ACAP2: variants seen among roughly 807,000 people sequenced by gnomAD.
ACAP2 encodes the protein arf-GAP with coiled-coil, ANK repeat and PH domain-containing protein 2.
Under a neutral mutation model 115.8 loss-of-function variants are expected in ACAP2, and 39 were observed. The observed-to-expected ratio is 0.34, with a 90% confidence interval of 0.26 to 0.44. ACAP2 has a LOEUF of 0.44. ACAP2 is among the 20% of genes least tolerant of loss of function. ACAP2 has a pLI of 1.00. For missense variants in ACAP2, 662 were observed against 927.6 expected (o/e 0.71, Z 3.72); for synonymous variants, 289 against 315.8 (o/e 0.92, Z 0.90).
chr3:195,367,700 G>A (rs1023344544), intron 4 of ACAP2, among the ~76,000 whole-genome samples: 1 of 152,186 alleles, frequency 6.6e-6, no homozygotes. Flanking sequence ...TTTCACATTC[G>A]TGAAGGCCAA....
chr3:195,279,618 A>G, intron 22 of ACAP2, 190 bp from the exon 23 acceptor site: 1 of 403,782 alleles, frequency 2.5e-6, no homozygotes, highest in Non-Finnish European at 4.3e-6. Context: ...AAAAAAAACT[A>G]TACCTGAAAA....
intron 1 of ACAP2, among the ~76,000 whole-genome samples, chr3:195,433,215 A>C (rs1471546845): frequency 6.6e-6 from 1 of 152,132 alleles, no homozygotes; most frequent in African/African-American, 2.4e-5. Flanking sequence ...TCATCTCTAG[A>C]TTATTTCTAA....
In ACAP2 at chr3:195,278,567, A is replaced by G. The variant is rs999611077; in HGVS notation, c.*761T>C. 6.6e-6 allele frequency: 1 copy of G among 152,090 alleles called. No homozygotes were observed. Among genetic ancestry groups the G allele is most frequent in the Admixed American group, 6.5e-5 (1 of 15,272 alleles). 9.4% of individuals were successfully genotyped at this position (152,090 alleles called of 1,614,324 possible). A position where few individuals can be genotyped will look rare whatever the true frequency, so the allele number is the denominator to read the frequency against. On this transcript the variant is annotated 3_prime_UTR_variant, in exon 23 of 23. Transcript: ENST00000326793. ...CGATACATCTGTCAAGGTTTTGGGG[A>G]ATCAACCCAACAATGAAGAACTACA...
At chr3:195,380,783 G>C (rs1387893331) in intron 4 of ACAP2, among the ~76,000 whole-genome samples, 2 of 151,954 alleles carry the variant, frequency 1.3e-5, no homozygotes, top group Non-Finnish European at 2.9e-5. Context: ...CACTATATTA[G>C]AATGGAAAAT....
intron 4 of ACAP2, among the ~76,000 whole-genome samples, chr3:195,352,788 G>A (rs1203146524): frequency 6.6e-6 from 1 of 152,136 alleles, no homozygotes; most frequent in Non-Finnish European, 1.5e-5. Flanking sequence ...GCTGAGACCA[G>A]GTTATAAAAG....
chr3:195,346,200 T>C (rs114687626), intron 4 of ACAP2, among the ~76,000 whole-genome samples: 3,719 of 152,258 alleles, frequency 0.024, 146 homozygotes, highest in African/African-American at 0.083. Flanking sequence ...TAATTTTGTC[T>C]GTATTATGTT....
At chr3:195,427,407 A>T (rs1359431455) in intron 1 of ACAP2, among the ~76,000 whole-genome samples, 1 of 152,096 alleles carries the variant, frequency 6.6e-6, no homozygotes, top group Non-Finnish European at 1.5e-5. Context: ...TCCATCATTT[A>T]ACAAAGGTGA....
chr3:195,336,906 A>G, intron 7 of ACAP2, 26 bp downstream of exon 7: 2 of 1,546,704 alleles, frequency 1.3e-6, no homozygotes, highest in Non-Finnish European at 1.8e-6. Flanking sequence ...AAAATATTTA[A>G]AACATCATTT....
intron 8 of ACAP2, among the ~76,000 whole-genome samples, chr3:195,332,321 T>G (rs1275825452): frequency 6.6e-6 from 1 of 152,094 alleles, no homozygotes; most frequent in Non-Finnish European, 1.5e-5. Flanking sequence ...ATTGGAACAA[T>G]AACTCAATTA....
At chr3:195,373,009 A>AAAAAAAAAAAAAAAAAAAC (rs1367333041) in intron 4 of ACAP2, among the ~76,000 whole-genome samples, 1 of 149,700 alleles carries the variant, frequency 6.7e-6, no homozygotes, top group Non-Finnish European at 1.5e-5. Context: ...AAAAAAAAAA[A>AAAAAAAAAAAAAAAAAAAC]AAAGCCTAAT....
intron 3 of ACAP2, among the ~76,000 whole-genome samples, chr3:195,381,302 T>G (rs1013526617): frequency 6.6e-6 from 1 of 152,216 alleles, no homozygotes; most frequent in African/African-American, 2.4e-5. Context: ...AACGGTATTA[T>G]GCTAACAATA....
At chr3:195,287,660 C>T (rs1201245599) in intron 21 of ACAP2, among the ~76,000 whole-genome samples, 5 of 152,032 alleles carry the variant, frequency 3.3e-5, no homozygotes, top group African/African-American at 1.2e-4. Context: ...CTACCACTGC[C>T]CAAAGGTAAT....
intron 4 of ACAP2, among the ~76,000 whole-genome samples, chr3:195,379,890 A>G (rs763169904): frequency 1.3e-5 from 2 of 152,210 alleles, no homozygotes; most frequent in Non-Finnish European, 2.9e-5. Flanking sequence ...AAGATGCTCA[A>G]CTGCATGAGT....
At chr3:195,361,618 A>G (rs1194675901) in intron 4 of ACAP2, among the ~76,000 whole-genome samples, 1 of 152,132 alleles carries the variant, frequency 6.6e-6, no homozygotes, top group African/African-American at 2.4e-5. Context: ...ATCTTAAAGA[A>G]CTAGAAAAGC....
At chr3:195,400,336 G>T (rs1007126249) in intron 1 of ACAP2, among the ~76,000 whole-genome samples, 2 of 151,830 alleles carry the variant, frequency 1.3e-5, no homozygotes, top group African/African-American at 4.8e-5. Flanking sequence ...ATATTAACAG[G>T]TATATGATTT....
In ACAP2 at chr3:195,410,830, A is replaced by C. The variant is rs540581530; in HGVS notation, c.54-18683T>G. On this transcript the variant is annotated intron_variant, in intron 1 of 22. Transcript: ENST00000326793. Reference sequence around the variant, plus strand: ...AAGACATGAGGGCTCCGCCTTCATGAATGGATTAGTGCTCTTATAAAAGAG... The same window carrying C: ...AAGACATGAGGGCTCCGCCTTCATGCATGGATTAGTGCTCTTATAAAAGAG... The C allele has an allele frequency of 1.8e-5, 3 of 163,740 alleles. No individual in the cohort carries two copies. The South Asian group carries it at 3.8e-4, about 21-fold the overall frequency. The allele number at this position is 163,740 out of a possible 1,614,324, so 10.1% of individuals were successfully genotyped here.
chr3:195,440,531 G>C (rs1209453398), intron 1 of ACAP2, among the ~76,000 whole-genome samples: 2 of 152,154 alleles, frequency 1.3e-5, no homozygotes, highest in African/African-American at 4.8e-5. Flanking sequence ...TTAATTTAAA[G>C]ACAGCCCAAT....
chr3:195,428,875 G>A (rs1714891927), intron 1 of ACAP2, among the ~76,000 whole-genome samples: 1 of 152,078 alleles, frequency 6.6e-6, no homozygotes, highest in South Asian at 2.1e-4. Context: ...ATAATGCTTT[G>A]CAGTTTCTTA....
chr3:195,332,968 T>C, intron 8 of ACAP2, 60 bp downstream of exon 8: 1 of 1,308,978 alleles, frequency 7.6e-7, no homozygotes, highest in Middle Eastern at 1.8e-4. Flanking sequence ...ATGCTAAATT[T>C]CTTTAAAAAT....
Sources: allele counts gnomAD v4.1 joint callset (sites outside exome capture counted in the v4.1 genomes callset), GRCh38; gene constraint gnomAD v4.1.1; transcripts MANE v1.5; gene names NCBI Gene and HGNC (gene_info 2026-07-23, HGNC 2026-07-21).